Variants in PARD3B observed in about 807,000 individuals in gnomAD.
PARD3B encodes the protein par-3 family cell polarity regulator beta, also known as partitioning defective 3 homolog B.
A neutral mutation model predicts 130.2 loss-of-function variants in PARD3B; 103 were observed. The observed-to-expected ratio is 0.79, with a 90% CI of 0.67 to 0.93. The LOEUF is 0.93. Ranked by LOEUF, PARD3B falls within the 40% of genes least tolerant of loss-of-function variation. PARD3B has a pLI of 0.00. For synonymous variants in PARD3B, 583 were observed against 553.2 expected (o/e 1.05, Z -0.76); for missense variants, 1,609 against 1,499.2 (o/e 1.07, Z -1.21).
In PARD3B at chr2:205,291,839, A is replaced by G. The variant is rs902173992; in HGVS notation, c.2186-8691A>G. ...GGATGTGGTCAAACAACTGTTTGATAAGGAGATTAGTATGGATCAGCCATC... is the reference window on the plus strand; with the variant it reads ...GGATGTGGTCAAACAACTGTTTGATGAGGAGATTAGTATGGATCAGCCATC... On this transcript the variant is annotated intron_variant, in intron 16 of 22. Coordinates refer to ENST00000406610, the MANE Select transcript of PARD3B (RefSeq NM_001302769.2). The surrounding 1 kb of genome is among the most constrained non-coding windows in gnomAD (Gnocchi z 4.6). 1.3e-5 allele frequency among the ~76,000 whole-genome samples: 2 copies of G among 152,210 alleles called. No homozygotes were observed. Among genetic ancestry groups the G allele is most frequent in the Admixed American group, 6.5e-5 (1 of 15,284 alleles).
intron 1 of PARD3B, among the ~76,000 whole-genome samples, chr2:204,648,802 AAT>A (rs2035375597): frequency 6.8e-5 from 1 of 14,686 alleles, no homozygotes. Context: ...ATATCATATA[AAT>A]AATATATATT....
At chr2:205,007,253 T>A (rs1695342344) in intron 3 of PARD3B, among the ~76,000 whole-genome samples, 1 of 152,202 alleles carries the variant, frequency 6.6e-6, no homozygotes. Flanking sequence ...TCACCAGCCA[T>A]GCTGAACTGT....
chr2:205,540,830 C>G (rs1191551306), intron 21 of PARD3B, among the ~76,000 whole-genome samples: 1 of 152,132 alleles, frequency 6.6e-6, no homozygotes, highest in East Asian at 1.9e-4. Context: ...TTGTGTTCAG[C>G]CAGCATTAGA....
At chr2:205,223,833 G>A (rs1405588937) in intron 15 of PARD3B, among the ~76,000 whole-genome samples, 1 of 152,138 alleles carries the variant, frequency 6.6e-6, no homozygotes, top group African/African-American at 2.4e-5. Context: ...GGGTACATGA[G>A]ATGTTTTGAT....
chr2:204,915,910 G>A (rs1003089530), intron 2 of PARD3B, among the ~76,000 whole-genome samples: 4 of 152,104 alleles, frequency 2.6e-5, no homozygotes, highest in East Asian at 1.9e-4. Context: ...ATTCATTTAC[G>A]GTTTGTGGCT....
chr2:205,249,149 A>T (rs573159076), intron 16 of PARD3B, among the ~76,000 whole-genome samples: 2 of 150,118 alleles, frequency 1.3e-5, no homozygotes, highest in Admixed American at 1.3e-4. Context: ...AGCTGGGATT[A>T]CAGGCATGTG....
At chr2:204,978,255 T>G (rs1033760058) in intron 3 of PARD3B, among the ~76,000 whole-genome samples, 3 of 152,222 alleles carry the variant, frequency 2.0e-5, no homozygotes, top group African/African-American at 7.2e-5. Context: ...GCGCTGTTTT[T>G]TATTAAAATT....
chr2:205,467,613 A>G (rs144204962), intron 20 of PARD3B, among the ~76,000 whole-genome samples: 106 of 152,322 alleles, frequency 7.0e-4, no homozygotes, highest in Middle Eastern at 3.4e-3. Flanking sequence ...TTCATGGTGG[A>G]ATGAAGCCAA....
intron 3 of PARD3B, among the ~76,000 whole-genome samples, chr2:204,974,260 T>G (rs1287753280): frequency 6.6e-6 from 1 of 152,218 alleles, no homozygotes; most frequent in Non-Finnish European, 1.5e-5. Context: ...TTATTTTCTT[T>G]ATTTTCTTTT....
At chr2:205,109,650 C>CTTT (rs35545106) in intron 5 of PARD3B, among the ~76,000 whole-genome samples, 2 of 69,302 alleles carry the variant, frequency 2.9e-5, no homozygotes, top group African/African-American at 1.1e-4. Flanking sequence ...AATACCTAAT[C>CTTT]TTTTTTTTTT....
chr2:205,047,798 T>G (rs1406251977), intron 4 of PARD3B, 108 bp downstream of exon 4: 7 of 725,582 alleles, frequency 9.6e-6, no homozygotes, highest in Non-Finnish European at 1.6e-5. Flanking sequence ...TAGAGATCTT[T>G]TGATAGTATA....
chr2:204,969,406 C>T (rs550344047), intron 3 of PARD3B, among the ~76,000 whole-genome samples: 1 of 152,242 alleles, frequency 6.6e-6, no homozygotes, highest in African/African-American at 2.4e-5. Flanking sequence ...TAGAAAGTAG[C>T]CAATAAACAG....
chr2:204,749,101 C>G (rs1285087213), intron 2 of PARD3B, among the ~76,000 whole-genome samples: 2 of 151,866 alleles, frequency 1.3e-5, no homozygotes, highest in Non-Finnish European at 2.9e-5. Flanking sequence ...CCTAACACCC[C>G]CAAACTGATC....
chr2:204,793,087 T>C (rs1308542616), intron 2 of PARD3B, among the ~76,000 whole-genome samples: 2 of 152,164 alleles, frequency 1.3e-5, no homozygotes, highest in Non-Finnish European at 2.9e-5. Flanking sequence ...TCCAAGGTGA[T>C]CAAAAGAAGT....
chr2:205,354,788 A>T (rs1053682511), intron 18 of PARD3B, among the ~76,000 whole-genome samples: 1 of 152,212 alleles, frequency 6.6e-6, no homozygotes. Flanking sequence ...AATGAAGCTT[A>T]CAATAGATTT....
chr2:205,244,231 G>GA lies in PARD3B; in HGVS notation c.2141-1540dup, dbSNP rs781221158. On this transcript the variant is annotated intron_variant, in intron 15 of 22. Transcript: ENST00000406610. The surrounding 1 kb of genome is among the most constrained non-coding windows in gnomAD (Gnocchi z 4.7). ...ATTAAGACTGAATGTTGTGGGCAGA[G>GA]AAAAAAAGGGACATGTTACTCTGAG... 6.6e-6 allele frequency among the ~76,000 whole-genome samples: 1 copy of GA among 151,962 alleles called. No homozygotes were observed. The highest frequency in any genetic ancestry group is 1.5e-5 in the Non-Finnish European group (1 of 67,968).
In PARD3B at chr2:204,734,491, G is replaced by T. The variant is rs200511486; in HGVS notation, c.222+48209G>T. Among the ~76,000 whole-genome samples, 16 of 152,220 alleles carry T rather than the reference G, an allele frequency of 1.1e-4. No individual in the cohort carries two copies. The East Asian group carries it at 3.1e-3, about 29-fold the overall frequency. On this transcript the variant is annotated intron_variant, in intron 2 of 22. Transcript: ENST00000406610. ...ACTTTGTTCATAATAACCTCAAACT[G>T]CAACCAACCCAAATATCCGTCACCT...
rs199802426 is a variant in PARD3B, at chr2:205,185,764, G to A, written c.1925G>A (p.Gly642Asp). ...GTCSPQDKQK[G>D]LLLPNDGWAE... Reference sequence around the variant, plus strand: ...AGCTTCATTTGTTCTTTGTTTATAGGTCTATTGCTGCCCAATGACGGATGG... The same window carrying A: ...AGCTTCATTTGTTCTTTGTTTATAGATCTATTGCTGCCCAATGACGGATGG... The change falls in exon 14 of 23, where the codon GGT (glycine) becomes GAT (aspartate). Residue 642 changes from glycine to aspartate, a missense_variant and splice_region_variant. Transcript: ENST00000406610. The A allele has an allele frequency of 9.4e-5, 152 of 1,612,562 alleles. 1 individual carries two copies. Among genetic ancestry groups the A allele is most frequent in the Non-Finnish European group, 1.3e-4 (148 of 1,178,750 alleles).
At chr2:205,335,972 T>A (rs1024349728) in intron 18 of PARD3B, among the ~76,000 whole-genome samples, 2 of 152,128 alleles carry the variant, frequency 1.3e-5, no homozygotes, top group African/African-American at 4.8e-5. Flanking sequence ...CCATGACACA[T>A]AGGAATTGTG....
Sources: allele counts gnomAD v4.1 joint callset (sites outside exome capture counted in the v4.1 genomes callset), GRCh38; gene constraint gnomAD v4.1.1; non-coding constraint Gnocchi (gnomAD v3.1); transcripts MANE v1.5; gene names NCBI Gene and HGNC (gene_info 2026-07-23, HGNC 2026-07-21).